Variants in TLL2 observed in about 807,000 individuals in gnomAD.
TLL2 encodes tolloid like 2, also known as tolloid-like protein 2.
A neutral mutation model predicts 123.0 loss-of-function variants in TLL2; 106 were observed. The observed-to-expected ratio is 0.86, with a 90% confidence interval of 0.74 to 1.01. The LOEUF (loss-of-function observed/expected upper bound fraction) is 1.01, where lower values mean the gene tolerates loss of function less well. Ranked by LOEUF, TLL2 falls within the 50% of genes least tolerant of loss-of-function variation. TLL2 has a pLI of 0.00. For missense variants in TLL2, 1,332 were observed against 1,336.7 expected (o/e 1.00, Z 0.06); for synonymous variants, 494 against 516.8 (o/e 0.96, Z 0.60).
rs533995168 is a variant in TLL2 at position 96,505,038 on chromosome 10, T to C, written c.175+8473A>G. ...AATAAAAAATAAATAAATAAATAAA[T>C]AAATAAATAAAAGATACTACCTGCG... On this transcript the variant is annotated intron_variant, in intron 1 of 20. Transcript: ENST00000357947. 2.9e-5 allele frequency among the ~76,000 whole-genome samples: 4 copies of C among 140,236 alleles called. No homozygotes were observed. In the South Asian group the frequency reaches 8.8e-4, roughly 31 times the overall value. 92.0% of individuals were successfully genotyped at this position (140,236 alleles called of 152,430 possible).
intron 2 of TLL2, among the ~76,000 whole-genome samples, chr10:96,477,346 ATTTTAATT>A (rs1847268950): frequency 9.4e-6 from 1 of 106,834 alleles, no homozygotes; most frequent in Non-Finnish European, 1.8e-5. Flanking sequence ...TTTAATTTTA[ATTTTAATT>A]TTTTTTTTTT....
At chr10:96,492,435 C>T (rs1006648001) in intron 1 of TLL2, among the ~76,000 whole-genome samples, 1 of 152,138 alleles carries the variant, frequency 6.6e-6, no homozygotes, top group Non-Finnish European at 1.5e-5. Context: ...ACCAGCCTGA[C>T]CAACATGGTG....
chr10:96,497,600 C>T (rs550108896), intron 1 of TLL2, among the ~76,000 whole-genome samples: 11 of 152,308 alleles, frequency 7.2e-5, no homozygotes, highest in Admixed American at 3.9e-4. Context: ...ATAGACACAT[C>T]CCTCCGCAAC....
At chr10:96,487,912 G>A (rs1047075875) in intron 1 of TLL2, among the ~76,000 whole-genome samples, 1 of 152,054 alleles carries the variant, frequency 6.6e-6, no homozygotes, top group African/African-American at 2.4e-5. Flanking sequence ...TTTTATACTC[G>A]CCAAGGAAAG....
At position 96,367,914 on chromosome 10, in the gene TLL2, G is replaced by T; in HGVS notation, c.*174C>A. 2.7e-6 allele frequency: 2 copies of T among 738,730 alleles called. No individual in the cohort carries two copies. Among genetic ancestry groups the T allele is most frequent in the Non-Finnish European group, 4.2e-6 (2 of 474,432 alleles). The allele number at this position is 738,730 out of a possible 1,614,324, so 45.8% of individuals were successfully genotyped here. On this transcript the variant is annotated 3_prime_UTR_variant, in exon 21 of 21. Transcript: ENST00000357947. ...AGAACATTTTTCTCTCCACCTTGTT[G>T]GCCAAACTTACAAGACTTTCATTCA...
At chr10:96,498,873 C>A (rs1334159317) in intron 1 of TLL2, among the ~76,000 whole-genome samples, 1 of 152,184 alleles carries the variant, frequency 6.6e-6, no homozygotes, top group African/African-American at 2.4e-5. Context: ...TCTTGAAGGA[C>A]TTTCTGAAGC....
chr10:96,503,579 T>C (rs1484713638), intron 1 of TLL2, among the ~76,000 whole-genome samples: 1 of 152,198 alleles, frequency 6.6e-6, no homozygotes, highest in Non-Finnish European at 1.5e-5. Flanking sequence ...TGGGAAAGAT[T>C]GGCCATCGAA....
intron 16 of TLL2, among the ~76,000 whole-genome samples, chr10:96,379,371 C>G (rs1468605047): frequency 2.0e-5 from 3 of 152,214 alleles, no homozygotes; most frequent in Non-Finnish European, 4.4e-5. Flanking sequence ...CCCTAAAGGA[C>G]AGGCTTGTAT....
Position 96,430,545 on chromosome 10 carries a change from G to A in TLL2, c.521-1797C>T, listed in dbSNP as rs1053111158. Reference sequence around the variant, plus strand: ...ATCATTGTCTGCAGGATGTGGGGATGGTATCATATTGTTGTCCCCAAAAAC... The same window carrying A: ...ATCATTGTCTGCAGGATGTGGGGATAGTATCATATTGTTGTCCCCAAAAAC... On this transcript the variant is annotated intron_variant, in intron 4 of 20. Transcript: ENST00000357947. 2.6e-5 allele frequency among the ~76,000 whole-genome samples: 4 copies of A among 152,314 alleles called. No homozygotes were observed. In the East Asian group the frequency reaches 5.8e-4, roughly 22 times the overall value.
At position 96,386,104 on chromosome 10, in the gene TLL2, T is replaced by A; in HGVS notation, c.1964A>T (p.Gln655Leu). The A allele has an allele frequency of 6.2e-7, 1 of 1,612,246 alleles. No homozygotes were observed. The highest frequency in any genetic ancestry group is 8.5e-7 in the Non-Finnish European group (1 of 1,179,160). ...TTCAAACTGAAGGGAGATCCGGTAC[T>A]GAGCGGGGGCCACCACCTGCCAGAC... ...NCVWQVVAPA[Q>L]YRISLQFEVF... Residue 655 changes from glutamine (Q) to leucine (L), a missense_variant, in exon 15 of 21, where the codon CAG becomes CTG. Transcript: ENST00000357947.
intron 2 of TLL2, among the ~76,000 whole-genome samples, chr10:96,461,853 C>T (rs1447422186): frequency 1.3e-5 from 2 of 152,362 alleles, no homozygotes; most frequent in East Asian, 3.9e-4. Flanking sequence ...CAGATACAGT[C>T]ACCACCCCCA....
At chr10:96,447,134 A>T (rs545336458) in intron 2 of TLL2, among the ~76,000 whole-genome samples, 2 of 152,138 alleles carry the variant, frequency 1.3e-5, no homozygotes, top group Non-Finnish European at 2.9e-5. Context: ...CCATGTGGAG[A>T]TCTGGCCAGA....
intron 2 of TLL2, among the ~76,000 whole-genome samples, chr10:96,449,441 C>T (rs1846932873): frequency 6.6e-6 from 1 of 152,190 alleles, no homozygotes; most frequent in Admixed American, 6.5e-5. Context: ...AAGGCTGGAG[C>T]CATGGCAGTT....
At chr10:96,482,858 G>T (rs1847324148) in intron 1 of TLL2, among the ~76,000 whole-genome samples, 2 of 152,176 alleles carry the variant, frequency 1.3e-5, no homozygotes, top group Non-Finnish European at 2.9e-5. Context: ...ATTCAACCTT[G>T]TAGCAAGAAC....
chr10:96,399,120 C>T (rs530096114), intron 10 of TLL2, among the ~76,000 whole-genome samples: 64 of 152,194 alleles, frequency 4.2e-4, no homozygotes, highest in African/African-American at 1.4e-3. Context: ...ATCTGCCCGC[C>T]TCAGCTTCCC....
chr10:96,431,144 C>G (rs1846734889), intron 4 of TLL2, among the ~76,000 whole-genome samples: 1 of 152,158 alleles, frequency 6.6e-6, no homozygotes, highest in Non-Finnish European at 1.5e-5. Context: ...TGAAAGAACA[C>G]AGTTAGGATA....
chr10:96,466,094 G>C (rs562240892), intron 2 of TLL2, among the ~76,000 whole-genome samples: 12 of 152,236 alleles, frequency 7.9e-5, no homozygotes, highest in Non-Finnish European at 1.2e-4. Flanking sequence ...TGTCAGAGAA[G>C]AGAGGGATTC....
Position 96,422,536 on chromosome 10 carries a change from C to T in TLL2, c.817+13G>A, listed in dbSNP as rs906666810. 6 of 1,613,688 alleles carry T rather than the reference C, an allele frequency of 3.7e-6. No homozygotes were observed. The highest frequency in any genetic ancestry group is 2.2e-5 in the East Asian group (1 of 44,886). ...CGACCGGTGCCTTCCAGACTCCACACAGGCCTCCTTACCTGGCTGGATGTT... is the reference window on the plus strand; with the variant it reads ...CGACCGGTGCCTTCCAGACTCCACATAGGCCTCCTTACCTGGCTGGATGTT... On this transcript the variant is annotated intron_variant, in intron 6 of 20. Transcript: ENST00000357947.
At chr10:96,429,562 T>C (rs1023834255) in intron 4 of TLL2, among the ~76,000 whole-genome samples, 5 of 152,360 alleles carry the variant, frequency 3.3e-5, no homozygotes, top group African/African-American at 1.2e-4. Context: ...TTGAAAGTAT[T>C]TTCCAAACTT....
Sources: allele counts gnomAD v4.1 joint callset (sites outside exome capture counted in the v4.1 genomes callset), GRCh38; gene constraint gnomAD v4.1.1; transcripts MANE v1.5; gene names NCBI Gene and HGNC (gene_info 2026-07-23, HGNC 2026-07-21).